The following ERBB4 variants were observed in gnomAD, a reference collection of about 807,000 sequenced individuals.
ERBB4 encodes erb-b2 receptor tyrosine kinase 4, also known as receptor tyrosine-protein kinase erbB-4.
ERBB4 carries 42 observed loss-of-function variants against 158.0 expected under a neutral mutation model. The observed-to-expected ratio is 0.27, with a 90% CI of 0.21 to 0.34. The LOEUF (loss-of-function observed/expected upper bound fraction) is 0.34, where lower values mean the gene tolerates loss of function less well. ERBB4 is among the 10% of genes least tolerant of loss of function. ERBB4 has a pLI of 1.00. For synonymous variants in ERBB4, 583 were observed against 558.7 expected (o/e 1.04, Z -0.61); for missense variants, 1,333 against 1,624.1 (o/e 0.82, Z 3.08).
At chr2:211,427,891 T>C (rs1162747440) in intron 22 of ERBB4, among the ~76,000 whole-genome samples, 3 of 149,358 alleles carry the variant, frequency 2.0e-5, no homozygotes, top group Admixed American at 1.3e-4. Context: ...CCACAGCTTA[T>C]GGAAAACATC....
intron 20 of ERBB4, among the ~76,000 whole-genome samples, chr2:211,529,591 A>C (rs1170562458): frequency 1.3e-5 from 2 of 152,122 alleles, no homozygotes; most frequent in Admixed American, 6.5e-5. Context: ...TGATGCAAAA[A>C]TTTTTAACAA....
Position 212,191,034 on chromosome 2 carries a change from AT to A in ERBB4, c.83-66132del, listed in dbSNP as rs200534259. On this transcript the variant is annotated intron_variant, in intron 1 of 27. Transcript: ENST00000342788. ...TACTGATCAACACAGCCCTAAGGGC[AT>A]TTTTTTTTTTTTAGATAAAGATAAA... is the stretch of plus-strand genomic sequence containing the variant. Among the ~76,000 whole-genome samples the A allele has an allele frequency of 8.6e-3, 1,232 of 143,520 alleles. 6 individuals carry two copies. Among genetic ancestry groups the A allele is most frequent in the Middle Eastern group, 0.019 (5 of 262 alleles). The allele number at this position is 143,520 out of a possible 152,430, so 94.2% of individuals were successfully genotyped here. A position where few individuals can be genotyped will look rare whatever the true frequency, so the allele number is the denominator to read the frequency against.
At chr2:212,099,373 A>G (rs2079019758) in intron 2 of ERBB4, among the ~76,000 whole-genome samples, 1 of 152,110 alleles carries the variant, frequency 6.6e-6, no homozygotes, top group Admixed American at 6.6e-5. Context: ...CTATCTAGTT[A>G]TAAGAAAATT....
chr2:212,336,305 C>G (rs574135674), intron 1 of ERBB4, among the ~76,000 whole-genome samples: 17 of 152,082 alleles, frequency 1.1e-4, no homozygotes, highest in Non-Finnish European at 2.2e-4. Context: ...TTATTATAGA[C>G]TGAAAACAGT....
chr2:212,151,472 TA>T (rs1462158144), intron 1 of ERBB4, among the ~76,000 whole-genome samples: 1 of 151,480 alleles, frequency 6.6e-6, no homozygotes, highest in Non-Finnish European at 1.5e-5. Flanking sequence ...TCCATATATA[TA>T]AAACCTCAAT....
intron 1 of ERBB4, among the ~76,000 whole-genome samples, chr2:212,411,741 T>A (rs530797196): frequency 6.6e-6 from 1 of 152,258 alleles, no homozygotes; most frequent in South Asian, 2.1e-4. Context: ...CCCTTGCACC[T>A]TTGGTTGAGA....
At chr2:212,452,694 A>C (rs773790703) in intron 1 of ERBB4, among the ~76,000 whole-genome samples, 1 of 152,148 alleles carries the variant, frequency 6.6e-6, no homozygotes, top group Non-Finnish European at 1.5e-5. Flanking sequence ...TTAAAACTGC[A>C]TCTTACAATT....
At chr2:211,793,542 A>G (rs2076321572) in intron 3 of ERBB4, among the ~76,000 whole-genome samples, 1 of 151,998 alleles carries the variant, frequency 6.6e-6, no homozygotes, top group Admixed American at 6.6e-5. Flanking sequence ...TTCAAGATGA[A>G]GCCACAGAAA....
At chr2:211,414,260 G>C (rs1464491444) in intron 25 of ERBB4, among the ~76,000 whole-genome samples, 5 of 152,132 alleles carry the variant, frequency 3.3e-5, no homozygotes, top group Non-Finnish European at 7.4e-5. Flanking sequence ...CACTTTGGGA[G>C]GCTGAGGCGG....
At chr2:211,740,622 C>CTTTTTTTTT (rs1169540948) in intron 5 of ERBB4, among the ~76,000 whole-genome samples, 19 of 90,174 alleles carry the variant, frequency 2.1e-4, no homozygotes, top group African/African-American at 5.2e-4. Flanking sequence ...TTTTCTTTGT[C>CTTTTTTTTT]TTTTTTTTTT....
intron 1 of ERBB4, among the ~76,000 whole-genome samples, chr2:212,373,808 T>C: frequency 7.9e-6 from 1 of 126,468 alleles, no homozygotes; most frequent in Non-Finnish European, 1.6e-5. Context: ...TCCATATATA[T>C]ATCCATGTAT....
intron 2 of ERBB4, among the ~76,000 whole-genome samples, chr2:212,036,882 A>T (rs1419841631): frequency 6.6e-6 from 1 of 152,228 alleles, no homozygotes. Flanking sequence ...GACAAAGGAC[A>T]GAGAAATTCT....
intron 20 of ERBB4, among the ~76,000 whole-genome samples, chr2:211,471,903 A>G (rs1318472043): frequency 6.6e-6 from 1 of 152,130 alleles, no homozygotes; most frequent in Non-Finnish European, 1.5e-5. Flanking sequence ...ATGACTCAAG[A>G]GGACGAAGCA....
At chr2:211,559,265 C>T (rs2067320674) in intron 20 of ERBB4, among the ~76,000 whole-genome samples, 1 of 152,136 alleles carries the variant, frequency 6.6e-6, no homozygotes, top group African/African-American at 2.4e-5. Flanking sequence ...TCTTCATTTT[C>T]ATTCTTATAT....
chr2:212,149,347 G>A (rs917219150), intron 1 of ERBB4, among the ~76,000 whole-genome samples: 1 of 151,834 alleles, frequency 6.6e-6, no homozygotes, highest in Non-Finnish European at 1.5e-5. Context: ...TATAGTGCTC[G>A]TCACATGTAC....
intron 20 of ERBB4, among the ~76,000 whole-genome samples, chr2:211,512,986 A>G (rs189125372): frequency 1.8e-3 from 281 of 152,250 alleles, no homozygotes; most frequent in African/African-American, 6.5e-3. Context: ...TTTCTGGGTC[A>G]GACTGAAACA....
intron 4 of ERBB4, among the ~76,000 whole-genome samples, chr2:211,764,918 C>G (rs1439364258): frequency 6.6e-6 from 1 of 152,130 alleles, no homozygotes; most frequent in Non-Finnish European, 1.5e-5. Context: ...TAAAGACACT[C>G]ATTCAAAATC....
At chr2:211,467,701 T>A (rs2125518176) in intron 20 of ERBB4, among the ~76,000 whole-genome samples, 1 of 152,234 alleles carries the variant, frequency 6.6e-6, no homozygotes, top group South Asian at 2.1e-4. Flanking sequence ...ATTTTCTTAG[T>A]TTAAGTGACA....
chr2:212,133,647 GA>G lies in ERBB4; in HGVS notation c.83-8745del, dbSNP rs771916986. ...CTTCAGAGTCACTGAGAACTAGAATGAAAAAAAAAAAAGGTAAAGAATATAC... is the reference window on the plus strand; with the variant it reads ...CTTCAGAGTCACTGAGAACTAGAATGAAAAAAAAAAAGGTAAAGAATATAC... On this transcript the variant is annotated intron_variant, in intron 1 of 27. Coordinates refer to ENST00000342788, the MANE Select transcript of ERBB4 (RefSeq NM_005235.3). Among the ~76,000 whole-genome samples, 1,345 of 136,888 alleles carry G rather than the reference GA, an allele frequency of 9.8e-3. 7 individuals carry two copies. The highest frequency in any genetic ancestry group is 0.029 in the Middle Eastern group (8 of 272). The allele number at this position is 136,888 out of a possible 152,430, so 89.8% of individuals were successfully genotyped here. A position where few individuals can be genotyped will look rare whatever the true frequency, so the allele number is the denominator to read the frequency against.
Sources: allele counts gnomAD v4.1 joint callset (sites outside exome capture counted in the v4.1 genomes callset), GRCh38; gene constraint gnomAD v4.1.1; transcripts MANE v1.5; gene names NCBI Gene and HGNC (gene_info 2026-07-23, HGNC 2026-07-21).